The following EYS variants were observed in gnomAD, a reference collection of about 807,000 sequenced individuals.
The protein encoded by EYS is EGF-like photoreceptor maintenance factor, also known as protein eyes shut homolog.
A neutral mutation model predicts 282.1 loss-of-function variants in EYS; 250 were observed. The ratio of observed to expected loss-of-function variants is 0.89; its 90% confidence interval spans 0.80 to 0.98. EYS has a LOEUF of 0.98. Among genes scored for constraint, EYS ranks in the 50% least tolerant of loss-of-function variants. The pLI, the probability that EYS is intolerant of heterozygous loss-of-function variation, is 0.00. For missense variants in EYS, 4,016 were observed against 3,709.0 expected (o/e 1.08, Z -2.15); for synonymous variants, 1,355 against 1,282.9 (o/e 1.06, Z -1.20).
At chr6:65,653,504 A>G (rs185094761) in intron 1 of EYS, among the ~76,000 whole-genome samples, 1 of 152,058 alleles carries the variant, frequency 6.6e-6, no homozygotes, top group African/African-American at 2.4e-5. Context: ...TTCAGAACCC[A>G]TTTAATTTTA....
chr6:64,777,449 C>T (rs1037789310), intron 22 of EYS, among the ~76,000 whole-genome samples: 8 of 152,010 alleles, frequency 5.3e-5, no homozygotes, highest in Non-Finnish European at 1.2e-4. Context: ...AAATAAGGTA[C>T]TTAAGGCTCT....
intron 1 of EYS, among the ~76,000 whole-genome samples, chr6:65,648,913 G>C (rs1274858902): frequency 1.3e-5 from 2 of 151,844 alleles, no homozygotes; most frequent in South Asian, 2.1e-4. Context: ...GGGAGGCTGA[G>C]GAGAAGGTAG....
intron 14 of EYS, among the ~76,000 whole-genome samples, chr6:64,957,906 A>C (rs569352427): frequency 6.6e-6 from 1 of 152,296 alleles, no homozygotes; most frequent in Non-Finnish European, 1.5e-5. Flanking sequence ...CTACTTAAAT[A>C]GTTCATTTAA....
chr6:64,915,276 T>C (rs764121260), intron 15 of EYS, among the ~76,000 whole-genome samples: 12 of 152,172 alleles, frequency 7.9e-5, no homozygotes, highest in Admixed American at 3.9e-4. Context: ...ATATATACTA[T>C]CTTGTGTTAA....
chr6:64,192,562 G>T (rs926079979), intron 31 of EYS, among the ~76,000 whole-genome samples: 3 of 151,950 alleles, frequency 2.0e-5, no homozygotes, highest in South Asian at 4.2e-4. Flanking sequence ...ACAAACCTGA[G>T]AAAAACAAGC....
intron 23 of EYS, among the ~76,000 whole-genome samples, chr6:64,619,805 C>G (rs9452176): frequency 0.2 from 30,298 of 151,812 alleles, 3,539 homozygotes; most frequent in East Asian, 0.34. Context: ...CCCCGGAGTA[C>G]AGGATTACAT....
chr6:65,561,882 A>C (rs1582458374), intron 2 of EYS, among the ~76,000 whole-genome samples: 2 of 151,864 alleles, frequency 1.3e-5, no homozygotes, highest in South Asian at 2.1e-4. Context: ...AATTTTATAT[A>C]ACATTTAATA....
intron 19 of EYS, among the ~76,000 whole-genome samples, chr6:64,877,623 A>C (rs1766789641): frequency 6.6e-6 from 1 of 152,218 alleles, no homozygotes; most frequent in African/African-American, 2.4e-5. Context: ...ACAATGTGGA[A>C]AGAAAATGGC....
chr6:65,201,922 G>C (rs1157953191), intron 12 of EYS, among the ~76,000 whole-genome samples: 1 of 152,034 alleles, frequency 6.6e-6, no homozygotes, highest in Non-Finnish European at 1.5e-5. Flanking sequence ...AGGCCAGCCT[G>C]GGCAACATGG....
chr6:63,839,681 G>T (rs999646205), intron 36 of EYS, among the ~76,000 whole-genome samples: 2 of 152,058 alleles, frequency 1.3e-5, no homozygotes, highest in Non-Finnish European at 2.9e-5. Context: ...CAGTAAACAC[G>T]AGAAGTGCAG....
intron 39 of EYS, among the ~76,000 whole-genome samples, chr6:63,778,447 A>C (rs964435880): frequency 1.3e-5 from 2 of 152,000 alleles, no homozygotes; most frequent in African/African-American, 2.4e-5. Flanking sequence ...TTTTCTTTTA[A>C]ACAAAAATGC....
At chr6:64,831,123 G>T (rs1203217802) in intron 19 of EYS, among the ~76,000 whole-genome samples, 1 of 151,988 alleles carries the variant, frequency 6.6e-6, no homozygotes, top group Non-Finnish European at 1.5e-5. Context: ...GCTGTTGAAA[G>T]TAGTCACTGA....
At chr6:64,493,965 T>C (rs1420254808) in intron 26 of EYS, among the ~76,000 whole-genome samples, 3 of 151,612 alleles carry the variant, frequency 2.0e-5, no homozygotes, top group South Asian at 2.1e-4. Context: ...TCAAAGGGAC[T>C]AAGGGGTCCT....
At chr6:65,606,862 T>C (rs946042784) in intron 2 of EYS, among the ~76,000 whole-genome samples, 3 of 135,476 alleles carry the variant, frequency 2.2e-5, no homozygotes, top group African/African-American at 8.4e-5. Context: ...AATATCTGAG[T>C]TGAATTAGTC....
chr6:65,490,279 CAAAT>C (rs1407194060), intron 5 of EYS: 1 of 200,438 alleles, frequency 5.0e-6, no homozygotes, highest in Non-Finnish European at 1.0e-5. Flanking sequence ...TAAGAAGTGT[CAAAT>C]AAACACATGA....
In EYS at chr6:63,938,151, T is replaced by C. The variant is rs375751125; in HGVS notation, c.7055+46232A>G. Among the ~76,000 whole-genome samples the C allele has an allele frequency of 2.8e-3, 432 of 152,172 alleles. 4 individuals are homozygous for C. Among genetic ancestry groups the C allele is most frequent in the African/African-American group, 0.01 (418 of 41,506 alleles). ...CACAGATGAAGATGAGACTTCGAAG[T>C]AGAAAGGAAATAGGAAACTCAAGTA... On this transcript the variant is annotated intron_variant, in intron 35 of 42. Transcript: ENST00000503581.
At chr6:63,859,127 G>A (rs1467473765) in intron 36 of EYS, among the ~76,000 whole-genome samples, 1 of 118,824 alleles carries the variant, frequency 8.4e-6, no homozygotes, top group Admixed American at 1.1e-4. Flanking sequence ...CTGGGATGGA[G>A]ATGCAGCCTT....
chr6:64,381,597 C>A (rs958523291), intron 29 of EYS, among the ~76,000 whole-genome samples: 1 of 151,930 alleles, frequency 6.6e-6, no homozygotes, highest in Non-Finnish European at 1.5e-5. Flanking sequence ...TGTAAGTGGA[C>A]GTTATTGTTG....
chr6:65,610,767 TCTG>T (rs1424643085), intron 2 of EYS, among the ~76,000 whole-genome samples: 4 of 152,150 alleles, frequency 2.6e-5, no homozygotes, highest in African/African-American at 9.7e-5. Context: ...CAATTCTAAT[TCTG>T]CTATTTACTC....
Sources: allele counts gnomAD v4.1 joint callset (sites outside exome capture counted in the v4.1 genomes callset), GRCh38; gene constraint gnomAD v4.1.1; transcripts MANE v1.5; gene names NCBI Gene and HGNC (gene_info 2026-07-23, HGNC 2026-07-21).